Variants in CD4 observed in about 807,000 individuals in gnomAD.
The protein encoded by CD4 is CD4 molecule, also known as T-cell surface glycoprotein CD4.
In CD4, 25 loss-of-function variants were observed where a neutral mutation model predicts 50.5. The ratio of observed to expected loss-of-function variants is 0.49; its 90% CI spans 0.36 to 0.69. The LOEUF is 0.69. Among genes scored for constraint, CD4 ranks in the 30% least tolerant of loss-of-function variants. The pLI is 0.00. For missense variants in CD4, 456 were observed against 548.5 expected (o/e 0.83, Z 1.68); for synonymous variants, 207 against 221.9 (o/e 0.93, Z 0.60).
In CD4 at chr12:6,800,407, A is replaced by T; in HGVS notation, c.150A>T (p.Gln50His). The change falls in exon 3 of 10, where the codon CAA (glutamine) becomes CAT (histidine). Residue 50 changes from glutamine to histidine, a missense_variant. By Grantham distance (24) the Gln-to-His change is conservative. Coordinates refer to ENST00000011653, the MANE Select transcript of CD4 (RefSeq NM_000616.5). The stretch of plus-strand genomic sequence containing the variant: ...CAGCTTCCCAGAAGAAGAGCATACA[A>T]TTCCACTGGAAAAACTCCAACCAGA... ...TCTASQKKSI[Q>H]FHWKNSNQIK... is the part of the protein sequence containing the mutation. 1 of 1,614,144 alleles carries T rather than the reference A, an allele frequency of 6.2e-7. No individual in the cohort carries two copies. Among genetic ancestry groups the T allele is most frequent in the South Asian group, 1.1e-5 (1 of 91,090 alleles).
At chr12:6,810,520 T>C (rs1942906723) in intron 3 of CD4, among the ~76,000 whole-genome samples, 1 of 152,182 alleles carries the variant, frequency 6.6e-6, no homozygotes, top group African/African-American at 2.4e-5. Flanking sequence ...GGCCACAATC[T>C]GCAGAGCTGA....
At chr12:6,802,971 G>A (rs1242198856) in intron 3 of CD4, among the ~76,000 whole-genome samples, 2 of 152,082 alleles carry the variant, frequency 1.3e-5, no homozygotes, top group East Asian at 1.9e-4. Flanking sequence ...TCGACTTCGT[G>A]ATCAGCCCGG....
At chr12:6,809,252 T>G (rs782402460) in intron 3 of CD4, among the ~76,000 whole-genome samples, 31 of 152,240 alleles carry the variant, frequency 2.0e-4, no homozygotes, top group Non-Finnish European at 4.3e-4. Flanking sequence ...TCCTAGCACT[T>G]TGGGAGGCTG....
At position 6,817,281 on chromosome 12, in the gene CD4, G is replaced by A; in HGVS notation, c.1107G>A (p.Gln369=). The change falls in exon 7 of 10, where the codon CAG becomes CAA. Residue 369 remains glutamine, a synonymous_variant. Transcript: ENST00000011653. The part of the protein sequence containing the change: ...WVLNPEAGMW[Q]CLLSDSGQVL... ...TGAACCCTGAGGCGGGGATGTGGCA[G>A]TGTCTGCTGAGTGACTCGGGACAGG... is the stretch of plus-strand genomic sequence containing the variant. 1 of 1,583,606 alleles carries A rather than the reference G, an allele frequency of 6.3e-7. No homozygotes were observed. The highest frequency in any genetic ancestry group is 8.6e-7 in the Non-Finnish European group (1 of 1,163,390).
In CD4 at chr12:6,796,478, A is replaced by G. The variant is rs1176733273; in HGVS notation, c.-67-3594A>G. 2.0e-5 allele frequency among the ~76,000 whole-genome samples: 3 copies of G among 152,232 alleles called. No homozygotes were observed. The East Asian group carries it at 5.8e-4, about 29-fold the overall frequency. On this transcript the variant is annotated intron_variant, in intron 1 of 9. Coordinates refer to ENST00000011653, the MANE Select transcript of CD4 (RefSeq NM_000616.5). ...GCAGTCACCTCTCTGAGCCCACTTTATATCCTAGGCCTGGATTCAAAGACA... is the reference window on the plus strand; with the variant it reads ...GCAGTCACCTCTCTGAGCCCACTTTGTATCCTAGGCCTGGATTCAAAGACA...
chr12:6,795,575 G>A (rs867079660), intron 1 of CD4, among the ~76,000 whole-genome samples: 7 of 152,226 alleles, frequency 4.6e-5, no homozygotes, highest in African/African-American at 1.4e-4. Flanking sequence ...CATAGGTTAA[G>A]GGAATCAATC....
intron 1 of CD4, among the ~76,000 whole-genome samples, chr12:6,797,272 A>G (rs957499850): frequency 2.6e-5 from 4 of 151,908 alleles, no homozygotes; most frequent in Admixed American, 2.0e-4. Context: ...CTGTCTGCCA[A>G]GCGCACAGGA....
chr12:6,801,212 A>T lies in CD4; in HGVS notation c.214+741A>T, dbSNP rs948969171. ...TGTGTCACTATGCCTAGCCAAAAAA[A>T]ATTTTTTTAATTAAAAAAAAAAAGG... On this transcript the variant is annotated intron_variant, in intron 3 of 9. Coordinates refer to ENST00000011653, the MANE Select transcript of CD4 (RefSeq NM_000616.5). 9.2e-5 allele frequency among the ~76,000 whole-genome samples: 14 copies of T among 151,658 alleles called. 1 individual carries two copies. Among genetic ancestry groups the T allele is most frequent in the African/African-American group, 3.4e-4 (14 of 41,398 alleles).
rs962356949 is a variant in CD4, at chr12:6,818,670, T to C, written c.1278+128T>C. 23 of 1,281,654 alleles carry C rather than the reference T, an allele frequency of 1.8e-5. No homozygotes were observed. The highest frequency in any genetic ancestry group is 2.6e-5 in the Non-Finnish European group (23 of 896,862). The allele number at this position is 1,281,654 out of a possible 1,614,324, so 79.4% of individuals were successfully genotyped here. On this transcript the variant is annotated intron_variant, in intron 8 of 9. Coordinates refer to ENST00000011653, the MANE Select transcript of CD4 (RefSeq NM_000616.5). The surrounding 1 kb of genome is among the most constrained non-coding windows in gnomAD (Gnocchi z 5.0). ...CCACTCGTAAGTTCCCTTGCTGCCC[T>C]GTCCCAGATCCCACTCAAGGGAGAG... is the stretch of plus-strand genomic sequence containing the variant.
At chr12:6,814,428 CTGGCCTCCAA>C in intron 4 of CD4, 128 bp downstream of exon 4, 1 of 992,918 alleles carries the variant, frequency 1.0e-6, no homozygotes, top group East Asian at 2.6e-5. Flanking sequence ...GGCTGTCAAA[CTGGCCTCCAA>C]ATGTCTTAAA....
intron 1 of CD4, among the ~76,000 whole-genome samples, chr12:6,790,650 G>A (rs1942129395): frequency 6.6e-6 from 1 of 152,180 alleles, no homozygotes; most frequent in Non-Finnish European, 1.5e-5. Context: ...CTCCTGAAGG[G>A]AAGCCCTGTG....
rs11575100 is a variant in CD4, at chr12:6,815,320, C to T, written c.607+328C>T. ...TCTTTGTTGCCTCAGCTCCACACCCCTACCAAGTTGGCAAATCCACTTACT... is the reference window on the plus strand; with the variant it reads ...TCTTTGTTGCCTCAGCTCCACACCCTTACCAAGTTGGCAAATCCACTTACT... On this transcript the variant is annotated intron_variant, in intron 5 of 9. Coordinates refer to ENST00000011653, the MANE Select transcript of CD4 (RefSeq NM_000616.5). Among the ~76,000 whole-genome samples the T allele has an allele frequency of 9.9e-3, 1,502 of 152,258 alleles. 14 individuals are homozygous for T. Among genetic ancestry groups the T allele is most frequent in the Non-Finnish European group, 0.015 (999 of 68,004 alleles).
intron 3 of CD4, among the ~76,000 whole-genome samples, chr12:6,801,376 G>GCA (rs1555115218): frequency 2.7e-5 from 4 of 149,966 alleles, no homozygotes; most frequent in African/African-American, 9.7e-5. Context: ...AATTAGCCAG[G>GCA]TGTGGGGGTG....
chr12:6,804,522 C>CTG (rs1357421823), intron 3 of CD4, among the ~76,000 whole-genome samples: 1 of 152,092 alleles, frequency 6.6e-6, no homozygotes, highest in Non-Finnish European at 1.5e-5. Flanking sequence ...TATTGTATTT[C>CTG]TATATATTAG....
At chr12:6,793,689 TA>T (rs753381267) in intron 1 of CD4, among the ~76,000 whole-genome samples, 12,078 of 114,924 alleles carry the variant, frequency 0.11, 824 homozygotes, top group East Asian at 0.35. Flanking sequence ...TCTATCTATC[TA>T]TCTATCTATC....
Position 6,819,397 on chromosome 12 carries a change from AC to A in CD4, c.*70del. On this transcript the variant is annotated 3_prime_UTR_variant, in exon 10 of 10. Coordinates refer to ENST00000011653, the MANE Select transcript of CD4 (RefSeq NM_000616.5). ...TCTGCCCCGCGTTTCCTGCCTGCGGACCAGATGAATGTAGCAGATCCCCAGC... is the reference window on the plus strand; with the variant it reads ...TCTGCCCCGCGTTTCCTGCCTGCGGACAGATGAATGTAGCAGATCCCCAGC... 1 of 1,465,014 alleles carries A rather than the reference AC, an allele frequency of 6.8e-7. No homozygotes were observed. 90.8% of individuals were successfully genotyped at this position (1,465,014 alleles called of 1,614,324 possible).
chr12:6,805,997 C>T (rs1209659943), intron 3 of CD4, among the ~76,000 whole-genome samples: 1 of 151,710 alleles, frequency 6.6e-6, no homozygotes, highest in Admixed American at 6.6e-5. Context: ...TGCAAAATCC[C>T]TATTAAGAAG....
At chr12:6,812,610 C>T (rs1475711452) in intron 3 of CD4, among the ~76,000 whole-genome samples, 1 of 151,652 alleles carries the variant, frequency 6.6e-6, no homozygotes, top group Non-Finnish European at 1.5e-5. Context: ...ACCCGGGAGG[C>T]GGAGGTTGCG....
Position 6,814,817 on chromosome 12 carries a change from G to A in CD4, c.432G>A (p.Glu144=), listed in dbSNP as rs1266139822. Reference sequence around the variant, plus strand: ...GGCAGAGCCTGACCCTGACCTTGGAGAGCCCCCCTGGTAGTAGCCCCTCAG... The same window carrying A: ...GGCAGAGCCTGACCCTGACCTTGGAAAGCCCCCCTGGTAGTAGCCCCTCAG... ...LQGQSLTLTL[E]SPPGSSPSVQ... The change falls in exon 5 of 10, where the codon GAG becomes GAA. Residue 144 remains glutamate (E), a synonymous_variant. Coordinates refer to ENST00000011653, the MANE Select transcript of CD4 (RefSeq NM_000616.5). 1 of 1,613,514 alleles carries A rather than the reference G, an allele frequency of 6.2e-7. No individual in the cohort carries two copies. The highest frequency in any genetic ancestry group is 1.3e-5 in the African/African-American group (1 of 74,840).
Sources: allele counts gnomAD v4.1 joint callset (sites outside exome capture counted in the v4.1 genomes callset), GRCh38; gene constraint gnomAD v4.1.1; non-coding constraint Gnocchi (gnomAD v3.1); transcripts MANE v1.5; gene names NCBI Gene and HGNC (gene_info 2026-07-23, HGNC 2026-07-21).